Variants in ATM observed in about 807,000 individuals in gnomAD.
ATM encodes ATM serine/threonine kinase.
In ATM, 308 loss-of-function variants were observed where a neutral mutation model predicts 387.0. The observed-to-expected ratio is 0.80, with a 90% CI of 0.73 to 0.87. ATM has a LOEUF of 0.87. ATM is among the 40% of genes least tolerant of loss of function. The pLI, the probability that ATM is intolerant of heterozygous loss-of-function variation, is 0.00. For synonymous variants in ATM, 1,156 were observed against 1,187.3 expected, an observed-to-expected ratio of 0.97 and a Z score of 0.54; for missense variants, 3,312 against 3,560.9, an observed-to-expected ratio of 0.93 and a Z score of 1.78.
In ATM at chr11:108,338,697, A is replaced by T. The variant is rs572418836; in HGVS notation, c.8268+2736A>T. On this transcript the variant is annotated intron_variant, in intron 56 of 62. Coordinates refer to ENST00000675843, the MANE Select transcript of ATM (RefSeq NM_000051.4). ...GGTTGGGGGGTAACCCAGATAATTAATTATTTAATGTTATACATCTCAATA... is the reference window on the plus strand; with the variant it reads ...GGTTGGGGGGTAACCCAGATAATTATTTATTTAATGTTATACATCTCAATA... 2.0e-5 allele frequency among the ~76,000 whole-genome samples: 3 copies of T among 152,036 alleles called. No individual in the cohort carries two copies. The East Asian group carries it at 5.8e-4, about 29-fold the overall frequency.
chr11:108,253,734 C>A, intron 12 of ATM, 80 bp from the exon 13 acceptor site: 2 of 999,604 alleles, frequency 2.0e-6, no homozygotes, highest in Non-Finnish European at 1.5e-6. Flanking sequence ...TAATGTTTTC[C>A]TTTGTAATAT....
rs370574283 is a variant in ATM, at chr11:108,292,683, G to A, written c.4501G>A (p.Val1501Ile). The A allele has an allele frequency of 1.2e-6, 2 of 1,613,638 alleles. No homozygotes were observed. The highest frequency in any genetic ancestry group is 8.5e-7 in the Non-Finnish European group (1 of 1,179,942). ...FSLCCDLLSQ[V>I]CQTAVTYCKD... ...CCTTTGTTGTGACTTATTAAGTCAG[G>A]TTTGCCAGACAGCCGTGACTTACTG... The change falls in exon 30 of 63, where the codon GTT becomes ATT. Residue 1501 changes from valine to isoleucine, a missense_variant. Coordinates refer to ENST00000675843, the MANE Select transcript of ATM (RefSeq NM_000051.4).
At chr11:108,296,443 G>C (rs1248578303) in intron 32 of ATM, among the ~76,000 whole-genome samples, 1 of 151,822 alleles carries the variant, frequency 6.6e-6, no homozygotes, top group African/African-American at 2.4e-5. Flanking sequence ...GTAGAGACGG[G>C]GTTTCACCAT....
At chr11:108,235,119 A>C (rs1177924230) in intron 4 of ATM, among the ~76,000 whole-genome samples, 3 of 152,092 alleles carry the variant, frequency 2.0e-5, no homozygotes, top group Non-Finnish European at 4.4e-5. Flanking sequence ...CAACATGGTG[A>C]AACCCTGTCT....
chr11:108,229,380 T>TG, intron 4 of ATM, 57 bp downstream of exon 4: 4 of 1,476,954 alleles, frequency 2.7e-6, no homozygotes, highest in Non-Finnish European at 2.8e-6. Flanking sequence ...TCGCGTGAGT[T>TG]TTTTTTTTTT....
Position 108,312,515 on chromosome 11 carries a change from C to T in ATM, c.6006+17C>T, listed in dbSNP as rs1218097012. On this transcript the variant is annotated intron_variant, in intron 40 of 62. Transcript: ENST00000675843. ...AGTTTACAGGTAAATATTAGAGGCTCTATTATTTATGACAGTATTTATCTC... is the reference window on the plus strand; with the variant it reads ...AGTTTACAGGTAAATATTAGAGGCTTTATTATTTATGACAGTATTTATCTC... 6.7e-7 allele frequency: 1 copy of T among 1,503,654 alleles called. No homozygotes were observed. The highest frequency in any genetic ancestry group is 9.3e-7 in the Non-Finnish European group (1 of 1,080,428). 93.1% of individuals were successfully genotyped at this position (1,503,654 alleles called of 1,614,324 possible).
chr11:108,267,420 C>G (rs571626831), intron 17 of ATM, 78 bp downstream of exon 17: 1 of 1,306,120 alleles, frequency 7.7e-7, no homozygotes, highest in Non-Finnish European at 1.1e-6. Context: ...TCATTGATAT[C>G]AATTTTGTGC....
chr11:108,260,938 A>C (rs1326920955), intron 16 of ATM, among the ~76,000 whole-genome samples: 1 of 152,186 alleles, frequency 6.6e-6, no homozygotes, highest in Non-Finnish European at 1.5e-5. Context: ...ACGGGCTTAA[A>C]AAACGGCGCA....
chr11:108,309,690 T>G (rs939511441), intron 38 of ATM, among the ~76,000 whole-genome samples: 2 of 152,206 alleles, frequency 1.3e-5, no homozygotes, highest in African/African-American at 4.8e-5. Context: ...TAACTCAACC[T>G]AGGCAATACA....
At chr11:108,343,684 C>T (rs1458127200) in intron 57 of ATM, among the ~76,000 whole-genome samples, 1 of 152,148 alleles carries the variant, frequency 6.6e-6, no homozygotes, top group Non-Finnish European at 1.5e-5. Context: ...CGATGGCATG[C>T]ACCTGTAATC....
chr11:108,250,935 T>G lies in ATM; in HGVS notation c.1470T>G (p.Ile490Met). 6.2e-7 allele frequency: 1 copy of G among 1,614,224 alleles called. No homozygotes were observed. The highest frequency in any genetic ancestry group is 8.5e-7 in the Non-Finnish European group (1 of 1,180,042). The stretch of plus-strand genomic sequence containing the variant: ...AACTCTGGAATAAAATTTGGTGTAT[T>G]ACCTTTCGTGGTATAAGTTCTGAGC... ...LLKLWNKIWCITFRGISSEQI... is the reference protein window; with the variant it reads ...LLKLWNKIWCMTFRGISSEQI... The change falls in exon 10 of 63, where the codon ATT becomes ATG. Residue 490 changes from isoleucine to methionine, a missense_variant. By Grantham distance (10) the Ile-to-Met change is conservative. This residue lies in a region of ATM where 1,791 missense variants were observed against 1,804.5 expected (regional missense o/e 0.99). Coordinates refer to ENST00000675843, the MANE Select transcript of ATM (RefSeq NM_000051.4).
At chr11:108,294,863 AT>A in intron 31 of ATM, 63 bp from the exon 32 acceptor site, 1 of 1,588,520 alleles carries the variant, frequency 6.3e-7, no homozygotes, top group Non-Finnish European at 8.6e-7. Context: ...TTTTTCTTTT[AT>A]TAAGTTTTAT....
rs147557621 is a variant in ATM at position 108,279,510 on chromosome 11, G to A, written c.3304G>A (p.Gly1102Arg). 1.2e-6 allele frequency: 2 copies of A among 1,611,956 alleles called. No individual in the cohort carries two copies. Among genetic ancestry groups the A allele is most frequent in the East Asian group, 2.2e-5 (1 of 44,776 alleles). ...SINRLFQDTK[G>R]DSSRLLKALP... ...TTTAAGATTGTTCCAGGACACGAAGGGAGATTCTTCCAGGTTACTGAAAGC... is the reference window on the plus strand; with the variant it reads ...TTTAAGATTGTTCCAGGACACGAAGAGAGATTCTTCCAGGTTACTGAAAGC... Residue 1102 changes from glycine to arginine, a missense_variant, in exon 23 of 63, where the codon GGA becomes AGA. Gly to Arg is a moderately radical substitution (Grantham distance 125). Coordinates refer to ENST00000675843, the MANE Select transcript of ATM (RefSeq NM_000051.4).
Position 108,360,629 on chromosome 11 carries a change from A to T in ATM, c.8851-4453A>T, listed in dbSNP as rs2090613258. 2.0e-5 allele frequency among the ~76,000 whole-genome samples: 3 copies of T among 150,254 alleles called. No individual in the cohort carries two copies. In the South Asian group the frequency reaches 6.5e-4, roughly 32 times the overall value. On this transcript the variant is annotated intron_variant, in intron 61 of 62. Coordinates refer to ENST00000675843, the MANE Select transcript of ATM (RefSeq NM_000051.4). ...CAGTGGGCTTCATCCCTGGGATTCA[A>T]GGCTGGTTCAATATATGCAAATCAA...
chr11:108,295,143 G>C (rs2083053170), intron 32 of ATM, 84 bp downstream of exon 32: 1 of 1,543,700 alleles, frequency 6.5e-7, no homozygotes, highest in East Asian at 2.3e-5. Flanking sequence ...TGGTTTCATT[G>C]TCACAGACTT....
chr11:108,243,617 A>C (rs2079676770), intron 5 of ATM, among the ~76,000 whole-genome samples: 1 of 152,146 alleles, frequency 6.6e-6, no homozygotes, highest in South Asian at 2.1e-4. Context: ...TGTCTCAAAA[A>C]ACAGAAGAAA....
At chr11:108,303,245 T>C (rs896311512) in intron 36 of ATM, among the ~76,000 whole-genome samples, 3 of 152,152 alleles carry the variant, frequency 2.0e-5, no homozygotes, top group Non-Finnish European at 4.4e-5. Context: ...GTGCCTTGAA[T>C]AATTTGTTAC....
intron 17 of ATM, 56 bp downstream of exon 17, chr11:108,267,398 G>A (rs1565417163): frequency 2.0e-6 from 3 of 1,496,922 alleles, no homozygotes; most frequent in East Asian, 2.3e-5. Flanking sequence ...TGATTTGGCA[G>A]TATAAGAGGC....
intron 9 of ATM, among the ~76,000 whole-genome samples, chr11:108,250,156 A>ATATC (rs2135307165): frequency 6.6e-6 from 1 of 150,884 alleles, no homozygotes; most frequent in East Asian, 1.9e-4. Flanking sequence ...ATATATATAT[A>ATATC]TATATATATT....
Sources: gnomAD v4.1 joint callset for allele counts (sites outside exome capture counted in the v4.1 genomes callset) on GRCh38, gnomAD v4.1.1 for gene constraint, gnomAD v4.1.1 regional missense constraint, MANE v1.5 for transcripts, NCBI Gene and HGNC (gene_info 2026-07-23, HGNC 2026-07-21) for gene names.